Variants in IL1RAPL1 observed in about 807,000 individuals in gnomAD.
IL1RAPL1 encodes interleukin-1 receptor accessory protein-like 1.
Under a neutral mutation model 48.4 loss-of-function variants are expected in IL1RAPL1, and 3 were observed. The ratio of observed to expected loss-of-function variants is 0.06; its 90% confidence interval spans 0.03 to 0.16. The LOEUF is 0.16. Among genes scored for constraint, IL1RAPL1 ranks in the 10% least tolerant of loss-of-function variants. The pLI, the probability that IL1RAPL1 is intolerant of heterozygous loss-of-function variation, is 1.00. For missense variants in IL1RAPL1, 349 were observed against 530.6 expected, an observed-to-expected ratio of 0.66 and a Z score of 3.36; for synonymous variants, 185 against 187.7, an observed-to-expected ratio of 0.99 and a Z score of 0.12.
At chrX:29,402,664 A>G (rs1934008795) in intron 5 of IL1RAPL1, among the ~76,000 whole-genome samples, 1 of 111,583 alleles carries the variant, frequency 9.0e-6, no homozygotes, top group Non-Finnish European at 1.9e-5. Flanking sequence ...TCCGTAGTTT[A>G]TTTAGATTTC....
chrX:29,391,654 C>T (rs1933854894), intron 3 of IL1RAPL1, among the ~76,000 whole-genome samples: 1 of 111,577 alleles, frequency 9.0e-6, no homozygotes, highest in African/African-American at 3.3e-5. Context: ...GTCCAGAAGA[C>T]GTTTATTTTA....
chrX:29,511,620 T>C (rs1935394270), intron 5 of IL1RAPL1, among the ~76,000 whole-genome samples: 1 of 112,157 alleles, frequency 8.9e-6, no homozygotes, highest in Admixed American at 9.5e-5. Flanking sequence ...GTAGAATACA[T>C]TTTATTCTTA....
At chrX:29,293,374 T>G (rs1433020845) in intron 3 of IL1RAPL1, among the ~76,000 whole-genome samples, 1 of 110,535 alleles carries the variant, frequency 9.0e-6, no homozygotes, top group Non-Finnish European at 1.9e-5. Flanking sequence ...AAAAGCTTTG[T>G]CTAATCTTAC....
intron 2 of IL1RAPL1, among the ~76,000 whole-genome samples, chrX:28,932,844 A>T (rs1020187900): frequency 9.0e-6 from 1 of 110,838 alleles, no homozygotes; most frequent in Non-Finnish European, 1.9e-5. Context: ...TTATTTCCTT[A>T]TGATATTTTA....
At chrX:28,912,737 C>T (rs770666792) in intron 2 of IL1RAPL1, among the ~76,000 whole-genome samples, 1 of 110,849 alleles carries the variant, frequency 9.0e-6, no homozygotes, top group Non-Finnish European at 1.9e-5. Context: ...TTAAAATGCA[C>T]CTGAATTTGT....
chrX:29,329,960 T>C (rs1484732655), intron 3 of IL1RAPL1, among the ~76,000 whole-genome samples: 4 of 111,091 alleles, frequency 3.6e-5, no homozygotes, highest in African/African-American at 1.3e-4. Flanking sequence ...CAACTCTATA[T>C]AGAGAAAAAT....
chrX:28,796,090 G>T (rs1200046095), intron 2 of IL1RAPL1, among the ~76,000 whole-genome samples: 1 of 111,480 alleles, frequency 9.0e-6, no homozygotes, highest in African/African-American at 3.3e-5. Context: ...AAAACCATCA[G>T]ATCTTGTAGG....
intron 2 of IL1RAPL1, among the ~76,000 whole-genome samples, chrX:28,927,186 T>C (rs915056452): frequency 9.0e-6 from 1 of 110,965 alleles, no homozygotes; most frequent in Non-Finnish European, 1.9e-5. Flanking sequence ...TGAGCCACTG[T>C]GTCCAGCCTA....
chrX:29,522,734 G>A (rs917341565), intron 5 of IL1RAPL1, among the ~76,000 whole-genome samples: 2 of 112,062 alleles, frequency 1.8e-5, no homozygotes, highest in Admixed American at 9.4e-5. Flanking sequence ...GGGATTCAGA[G>A]CCTGTTATAT....
intron 1 of IL1RAPL1, among the ~76,000 whole-genome samples, chrX:28,687,855 A>C (rs190889288): frequency 9.0e-6 from 1 of 110,900 alleles, no homozygotes; most frequent in Non-Finnish European, 1.9e-5. Context: ...TAATTCCAGC[A>C]CTTTGGGAGG....
In IL1RAPL1 at chrX:29,633,468, T is replaced by C. The variant is rs200402258; in HGVS notation, c.704-34962T>C. ...TTGTGACAATTTATCGATATATATA[T>C]ACACACACACACACACACACACACA... On this transcript the variant is annotated intron_variant, in intron 5 of 10. Coordinates refer to ENST00000378993, the MANE Select transcript of IL1RAPL1 (RefSeq NM_014271.4). Among the ~76,000 whole-genome samples, 627 of 97,743 alleles carry C rather than the reference T, an allele frequency of 6.4e-3. 2 individuals are homozygous for C. The highest frequency in any genetic ancestry group is 0.043 in the East Asian group (129 of 3,021). 84.9% of individuals were successfully genotyped at this position (97,743 alleles called of 115,157 possible).
intron 1 of IL1RAPL1, among the ~76,000 whole-genome samples, chrX:28,686,333 C>T (rs1373843543): frequency 1.8e-5 from 2 of 111,871 alleles, no homozygotes; most frequent in African/African-American, 6.5e-5. Flanking sequence ...GATTATCACC[C>T]ACTTAATTTT....
intron 5 of IL1RAPL1, among the ~76,000 whole-genome samples, chrX:29,407,703 TACTA>T (rs1054042504): frequency 5.4e-5 from 6 of 112,034 alleles, no homozygotes; most frequent in Admixed American, 9.5e-5. Flanking sequence ...TTTTCAAATT[TACTA>T]ACTATTGTTT....
chrX:29,629,571 G>C lies in IL1RAPL1; in HGVS notation c.704-38859G>C, dbSNP rs540614458. 3.0e-3 allele frequency among the ~76,000 whole-genome samples: 340 copies of C among 112,076 alleles called. 1 individual carries two copies. The highest frequency in any genetic ancestry group is 0.011 in the African/African-American group (325 of 30,900). Reference sequence around the variant, plus strand: ...AGTAATATGTAGTGTATTTGGGAAAGTGAAATTACAGCACACAAGCATTAT... The same window carrying C: ...AGTAATATGTAGTGTATTTGGGAAACTGAAATTACAGCACACAAGCATTAT... On this transcript the variant is annotated intron_variant, in intron 5 of 10. Coordinates refer to ENST00000378993, the MANE Select transcript of IL1RAPL1 (RefSeq NM_014271.4).
intron 5 of IL1RAPL1, among the ~76,000 whole-genome samples, chrX:29,500,140 G>T (rs899504051): frequency 2.9e-4 from 32 of 109,858 alleles, no homozygotes; most frequent in African/African-American, 9.9e-4. Flanking sequence ...ACCACACCTG[G>T]CTAATTTTTT....
chrX:29,323,018 A>C (rs1932814569), intron 3 of IL1RAPL1, among the ~76,000 whole-genome samples: 1 of 111,952 alleles, frequency 8.9e-6, no homozygotes, highest in Non-Finnish European at 1.9e-5. Flanking sequence ...CTATATCCTA[A>C]TGATAAATGT....
intron 2 of IL1RAPL1, among the ~76,000 whole-genome samples, chrX:29,104,581 A>G (rs1334374965): frequency 9.0e-6 from 1 of 111,413 alleles, no homozygotes; most frequent in African/African-American, 3.3e-5. Flanking sequence ...GACTACACTA[A>G]GCAATAATTT....
intron 1 of IL1RAPL1, among the ~76,000 whole-genome samples, chrX:28,690,105 C>T (rs1251429830): frequency 9.0e-6 from 1 of 110,964 alleles, no homozygotes; most frequent in Non-Finnish European, 1.9e-5. Context: ...TGGCAGAATG[C>T]AGAGGGGGTG....
chrX:28,668,259 GT>G (rs929292761), intron 1 of IL1RAPL1, among the ~76,000 whole-genome samples: 11 of 107,800 alleles, frequency 1.0e-4, no homozygotes, highest in East Asian at 5.8e-4. Flanking sequence ...CAAAAGAATT[GT>G]TTTTTTTTTC....
Sources: allele counts gnomAD v4.1 joint callset (sites outside exome capture counted in the v4.1 genomes callset), GRCh38; gene constraint gnomAD v4.1.1; transcripts MANE v1.5; gene names NCBI Gene and HGNC (gene_info 2026-07-23, HGNC 2026-07-21).